MMS22L: variants seen among roughly 807,000 people sequenced by gnomAD.
MMS22L encodes the protein MMS22 like, DNA repair protein.
In MMS22L, 74 loss-of-function variants were observed where a neutral mutation model predicts 159.1. That is an observed-to-expected ratio of 0.47 (90% confidence interval 0.39 to 0.56). The LOEUF (loss-of-function observed/expected upper bound fraction) is 0.56, where lower values mean the gene tolerates loss of function less well. Among genes scored for constraint, MMS22L ranks in the 20% least tolerant of loss-of-function variants. The pLI is 0.00. For synonymous variants in MMS22L, 517 were observed against 506.9 expected (o/e 1.02, Z -0.27); for missense variants, 1,351 against 1,422.1 (o/e 0.95, Z 0.80).
At chr6:97,199,156 G>A (rs1806864062) in intron 14 of MMS22L, among the ~76,000 whole-genome samples, 1 of 152,058 alleles carries the variant, frequency 6.6e-6, no homozygotes, top group Non-Finnish European at 1.5e-5. Flanking sequence ...TATGCTATGT[G>A]GGGGAGCGTG....
At position 97,283,098 on chromosome 6, in the gene MMS22L, G is replaced by C. The variant is rs1199167022; in HGVS notation, c.-79C>G. ...GTTACCCGCGGTGCCTGTCGTACCCGCTCACATTTCCAGCTCCCGAAACCT... is the reference window on the plus strand; with the variant it reads ...GTTACCCGCGGTGCCTGTCGTACCCCCTCACATTTCCAGCTCCCGAAACCT... On this transcript the variant is annotated splice_region_variant and 5_prime_UTR_variant, in exon 1 of 25. Transcript: ENST00000683635. 6.6e-6 allele frequency: 1 copy of C among 152,254 alleles called. No individual in the cohort carries two copies. Among genetic ancestry groups the C allele is most frequent in the African/African-American group, 2.4e-5 (1 of 41,450 alleles). The allele number at this position is 152,254 out of a possible 1,614,324, so 9.4% of individuals were successfully genotyped here. A position where few individuals can be genotyped will look rare whatever the true frequency, so the allele number is the denominator to read the frequency against.
intron 9 of MMS22L, among the ~76,000 whole-genome samples, chr6:97,256,440 T>A (rs1813819049): frequency 6.6e-6 from 1 of 152,216 alleles, no homozygotes; most frequent in Non-Finnish European, 1.5e-5. Context: ...ATGTCAGAAT[T>A]CCCATTTTGG....
At chr6:97,252,353 C>T (rs896030174) in intron 10 of MMS22L, among the ~76,000 whole-genome samples, 5 of 151,996 alleles carry the variant, frequency 3.3e-5, no homozygotes, top group Non-Finnish European at 7.4e-5. Context: ...TGGCAGGGTG[C>T]GGTGGCTCAC....
chr6:97,270,700 T>A (rs1466393989), intron 6 of MMS22L: 1 of 152,916 alleles, frequency 6.5e-6, no homozygotes, highest in African/African-American at 2.4e-5. Context: ...AATAAAATGC[T>A]ACACTGACAA....
chr6:97,154,151 T>C (rs754482662), intron 22 of MMS22L, among the ~76,000 whole-genome samples: 1 of 152,318 alleles, frequency 6.6e-6, no homozygotes, highest in East Asian at 1.9e-4. Flanking sequence ...TCCCTCATTA[T>C]AGCCAACCTT....
chr6:97,225,119 C>G (rs1810082194), intron 14 of MMS22L, among the ~76,000 whole-genome samples: 2 of 151,994 alleles, frequency 1.3e-5, no homozygotes, highest in Admixed American at 6.6e-5. Context: ...AGCATTAACT[C>G]TTTCAAGAAT....
intron 14 of MMS22L, among the ~76,000 whole-genome samples, chr6:97,187,672 A>G (rs985452755): frequency 6.6e-6 from 1 of 152,162 alleles, no homozygotes. Context: ...ACTAAGAAAA[A>G]TAATTAAGTA....
chr6:97,153,300 A>G (rs1182646866), intron 22 of MMS22L, among the ~76,000 whole-genome samples: 2 of 150,482 alleles, frequency 1.3e-5, no homozygotes, highest in Non-Finnish European at 3.0e-5. Flanking sequence ...AAGAAATTCC[A>G]CACTCTTTAG....
chr6:97,249,591 T>C (rs1462335291), intron 10 of MMS22L, among the ~76,000 whole-genome samples: 1 of 152,214 alleles, frequency 6.6e-6, no homozygotes, highest in East Asian at 1.9e-4. Context: ...CTCAAAAAAA[T>C]TTCCCCATTT....
chr6:97,256,421 T>G (rs934628959), intron 9 of MMS22L, among the ~76,000 whole-genome samples: 26 of 152,332 alleles, frequency 1.7e-4, no homozygotes, highest in Admixed American at 7.8e-4. Flanking sequence ...TGCTCTTTAT[T>G]CCTTCTACAT....
At chr6:97,251,706 C>G (rs960053556) in intron 10 of MMS22L, among the ~76,000 whole-genome samples, 2 of 152,102 alleles carry the variant, frequency 1.3e-5, no homozygotes, top group Non-Finnish European at 2.9e-5. Context: ...GCAAGTTAAG[C>G]TATTTTAAAC....
rs919604507 is a variant in MMS22L at position 97,147,339 on chromosome 6, A to T, written c.3651-452T>A. Reference sequence around the variant, plus strand: ...TTTCTTCTTTTAACTTCTTATAAGTAACAAAGTTTGAAAATAAAATATTGT... The same window carrying T: ...TTTCTTCTTTTAACTTCTTATAAGTTACAAAGTTTGAAAATAAAATATTGT... On this transcript the variant is annotated intron_variant, in intron 24 of 24. Coordinates refer to ENST00000683635, the MANE Select transcript of MMS22L (RefSeq NM_001350599.2). Among the ~76,000 whole-genome samples the T allele has an allele frequency of 2.6e-5, 4 of 152,232 alleles. No individual in the cohort carries two copies. The East Asian group carries it at 7.7e-4, about 29-fold the overall frequency.
In MMS22L at chr6:97,278,954, C is replaced by G. The variant is rs1582882222; in HGVS notation, c.291-56G>C. ...TTTTAGAACACTTTAAAGCATGTAA[C>G]AATTACGTGGACAATGTTTCCAAAT... On this transcript the variant is annotated intron_variant, in intron 3 of 24. Coordinates refer to ENST00000683635, the MANE Select transcript of MMS22L (RefSeq NM_001350599.2). The G allele has an allele frequency of 9.7e-6, 14 of 1,444,160 alleles. No individual in the cohort carries two copies. The Middle Eastern group carries it at 9.3e-4, about 96-fold the overall frequency. The allele number at this position is 1,444,160 out of a possible 1,614,324, so 89.5% of individuals were successfully genotyped here. A position where few individuals can be genotyped will look rare whatever the true frequency, so the allele number is the denominator to read the frequency against.
At chr6:97,155,993 T>C (rs1319671187) in intron 22 of MMS22L, among the ~76,000 whole-genome samples, 5 of 152,212 alleles carry the variant, frequency 3.3e-5, no homozygotes, top group African/African-American at 1.2e-4. Context: ...CCAGCATCTG[T>C]TGTTTCCTGA....
intron 10 of MMS22L, 75 bp downstream of exon 10, chr6:97,254,470 TGTTTCTGCTCAC>T: frequency 9.5e-7 from 1 of 1,057,826 alleles, no homozygotes; most frequent in Non-Finnish European, 1.4e-6. Context: ...TGACTTTTCT[TGTTTCTGCTCAC>T]TTATTTTCTA....
chr6:97,258,990 C>T (rs1386449752), intron 9 of MMS22L: 4 of 152,092 alleles, frequency 2.6e-5, no homozygotes, highest in Non-Finnish European at 5.9e-5. Flanking sequence ...AAAGTCAGAA[C>T]TACCCAAATA....
Position 97,181,767 on chromosome 6 carries a change from T to C in MMS22L, c.2384+137A>G, listed in dbSNP as rs1371082277. On this transcript the variant is annotated intron_variant, in intron 16 of 24. Coordinates refer to ENST00000683635, the MANE Select transcript of MMS22L (RefSeq NM_001350599.2). The stretch of plus-strand genomic sequence containing the variant: ...TTACTACTGTCGAAAGGCTGATATA[T>C]CTGAAAGCAAAAACCTGACAAAGTG... 9.8e-6 allele frequency: 8 copies of C among 814,782 alleles called. No individual in the cohort carries two copies. The South Asian group carries it at 1.5e-4, about 15-fold the overall frequency. The allele number at this position is 814,782 out of a possible 1,614,324, so 50.5% of individuals were successfully genotyped here.
chr6:97,283,795 C>T (rs1582896865), upstream of MMS22L, among the ~76,000 whole-genome samples: 2 of 152,010 alleles, frequency 1.3e-5, no homozygotes. Context: ...TACCATATTC[C>T]GAGCCATAAA....
intron 15 of MMS22L, among the ~76,000 whole-genome samples, chr6:97,184,835 C>T (rs1025223673): frequency 6.6e-6 from 1 of 152,136 alleles, no homozygotes; most frequent in East Asian, 1.9e-4. Flanking sequence ...ACTCTTATCA[C>T]TCCTCTGCTC....
Sources: allele counts gnomAD v4.1 joint callset (sites outside exome capture counted in the v4.1 genomes callset), GRCh38; gene constraint gnomAD v4.1.1; transcripts MANE v1.5; gene names NCBI Gene and HGNC (gene_info 2026-07-23, HGNC 2026-07-21).